Variants in FOCAD observed in about 807,000 individuals in gnomAD.
FOCAD encodes the protein KIAA1797.
Under a neutral mutation model 225.6 loss-of-function variants are expected in FOCAD, and 198 were observed. That is an observed-to-expected ratio of 0.88 (90% CI 0.78 to 0.99). FOCAD has a LOEUF of 0.99. Among genes scored for constraint, FOCAD ranks in the 50% least tolerant of loss-of-function variants. The pLI is 0.00. For synonymous variants in FOCAD, 897 were observed against 755.0 expected (o/e 1.19, Z -3.08); for missense variants, 2,713 against 2,123.6 (o/e 1.28, Z -5.46).
chr9:20,736,243 G>A (rs1467647325), intron 4 of FOCAD, among the ~76,000 whole-genome samples: 1 of 152,012 alleles, frequency 6.6e-6, no homozygotes, highest in African/African-American at 2.4e-5. Flanking sequence ...TATCCTTTGA[G>A]AAATGTCAGC....
intron 18 of FOCAD, among the ~76,000 whole-genome samples, chr9:20,871,866 A>G (rs1015072141): frequency 6.6e-6 from 1 of 150,494 alleles, no homozygotes; most frequent in African/African-American, 2.4e-5. Flanking sequence ...TATGTAACTA[A>G]CCTGCACATT....
chr9:20,994,126 A>C (rs1379719504), intron 43 of FOCAD, among the ~76,000 whole-genome samples: 1 of 152,300 alleles, frequency 6.6e-6, no homozygotes, highest in East Asian at 1.9e-4. Flanking sequence ...TGGCTTTATA[A>C]GTAGTGTTTT....
intron 26 of FOCAD, among the ~76,000 whole-genome samples, chr9:20,927,467 T>C (rs971563338): frequency 1.3e-5 from 2 of 152,096 alleles, no homozygotes; most frequent in African/African-American, 4.8e-5. Context: ...TAATATACTT[T>C]ATGTAAAAAG....
chr9:20,897,224 T>C (rs1832164926), intron 21 of FOCAD, among the ~76,000 whole-genome samples: 1 of 151,810 alleles, frequency 6.6e-6, no homozygotes. Context: ...TGCTTTCTTT[T>C]GATTAATGTT....
intron 2 of FOCAD, among the ~76,000 whole-genome samples, chr9:20,673,033 T>G (rs1822121858): frequency 6.6e-6 from 1 of 152,208 alleles, no homozygotes; most frequent in Admixed American, 6.5e-5. Context: ...TACTCAGATT[T>G]TATTCCCATT....
intron 8 of FOCAD, among the ~76,000 whole-genome samples, chr9:20,773,963 A>T (rs900582679): frequency 2.0e-5 from 3 of 152,202 alleles, no homozygotes; most frequent in African/African-American, 7.2e-5. Context: ...CAGCCCAGTG[A>T]GCCAGCATTA....
At chr9:20,727,799 T>A (rs1369750074) in intron 4 of FOCAD, among the ~76,000 whole-genome samples, 1 of 152,224 alleles carries the variant, frequency 6.6e-6, no homozygotes, top group Non-Finnish European at 1.5e-5. Context: ...GCCACATTTG[T>A]TCCCATGACA....
At chr9:20,707,533 C>T (rs1587284006) in intron 1 of FOCAD, among the ~76,000 whole-genome samples, 1 of 152,114 alleles carries the variant, frequency 6.6e-6, no homozygotes, top group Admixed American at 6.6e-5. Flanking sequence ...TTGATTCGTA[C>T]ACATTTTATG....
At chr9:20,732,452 T>G (rs1403121263) in intron 4 of FOCAD, among the ~76,000 whole-genome samples, 1 of 152,150 alleles carries the variant, frequency 6.6e-6, no homozygotes, top group East Asian at 1.9e-4. Flanking sequence ...GCTGTTAAGA[T>G]GGCCTGAAAG....
chr9:20,930,305 T>G (rs1280985319), intron 27 of FOCAD, among the ~76,000 whole-genome samples: 4 of 152,196 alleles, frequency 2.6e-5, no homozygotes, highest in African/African-American at 4.8e-5. Flanking sequence ...ATACTGCTTA[T>G]TATTTATTTT....
intron 40 of FOCAD, among the ~76,000 whole-genome samples, chr9:20,988,065 A>C (rs551691908): frequency 6.6e-6 from 1 of 152,350 alleles, no homozygotes; most frequent in East Asian, 1.9e-4. Context: ...AACTCCAACA[A>C]ATGCATTTTA....
intron 15 of FOCAD, among the ~76,000 whole-genome samples, chr9:20,838,670 C>T (rs1826224628): frequency 6.6e-6 from 1 of 152,080 alleles, no homozygotes; most frequent in African/African-American, 2.4e-5. Flanking sequence ...GCAGTGACTT[C>T]TACTATGTAG....
chr9:20,964,635 A>G (rs1839087586), intron 35 of FOCAD, among the ~76,000 whole-genome samples: 1 of 151,918 alleles, frequency 6.6e-6, no homozygotes, highest in Admixed American at 6.6e-5. Context: ...TCCTGGGTTC[A>G]AGCGATTCTC....
At chr9:20,932,568 C>T (rs17753679) in intron 27 of FOCAD, among the ~76,000 whole-genome samples, 38,947 of 151,988 alleles carry the variant, frequency 0.26, 5,298 homozygotes, top group Middle Eastern at 0.35. Context: ...TTATAACCTC[C>T]ACAACTGAGA....
At chr9:20,849,861 A>G (rs933097206) in intron 15 of FOCAD, among the ~76,000 whole-genome samples, 5 of 151,860 alleles carry the variant, frequency 3.3e-5, no homozygotes, top group Non-Finnish European at 7.4e-5. Context: ...GCCTATCTCT[A>G]CTTGTAAATC....
chr9:20,669,533 G>A (rs757888225), intron 2 of FOCAD, among the ~76,000 whole-genome samples: 1 of 152,150 alleles, frequency 6.6e-6, no homozygotes, highest in Non-Finnish European at 1.5e-5. Context: ...CCAGCAGTTT[G>A]GGAGGCCGAG....
At chr9:20,968,291 A>G (rs1027525628) in intron 35 of FOCAD, among the ~76,000 whole-genome samples, 1 of 152,136 alleles carries the variant, frequency 6.6e-6, no homozygotes, top group Admixed American at 6.5e-5. Context: ...TGCAAGGTCC[A>G]TACAAATGTT....
chr9:20,932,841 T>C (rs1564170750), intron 27 of FOCAD, among the ~76,000 whole-genome samples, 173 bp from the exon 28 acceptor site: 1 of 152,170 alleles, frequency 6.6e-6, no homozygotes, highest in Non-Finnish European at 1.5e-5. Flanking sequence ...TGGTCAGACT[T>C]AGTTTCTGTA....
At chr9:20,951,244 A>C in intron 34 of FOCAD, 146 bp downstream of exon 34, 3 of 644,616 alleles carry the variant, frequency 4.7e-6, no homozygotes, top group Non-Finnish European at 8.1e-6. Flanking sequence ...GAAATGGTGT[A>C]TGGAAAGGCT....
Sources: allele counts gnomAD v4.1 joint callset (sites outside exome capture counted in the v4.1 genomes callset), GRCh38; gene constraint gnomAD v4.1.1; transcripts MANE v1.5; gene names NCBI Gene and HGNC (gene_info 2026-07-23, HGNC 2026-07-21).